Variants in RPGR observed in about 807,000 individuals in gnomAD.
The protein encoded by RPGR is X-linked retinitis pigmentosa GTPase regulator.
RPGR carries 10 observed loss-of-function variants against 56.3 expected under a neutral mutation model. The ratio of observed to expected loss-of-function variants is 0.18; its 90% CI spans 0.11 to 0.30. The LOEUF (loss-of-function observed/expected upper bound fraction) is 0.30. Among genes scored for constraint, RPGR ranks in the 10% least tolerant of loss-of-function variants. The probability of loss-of-function intolerance (pLI) is 1.00; values close to 1 mark genes in which losing one functional copy is unlikely to be tolerated. For missense variants in RPGR, 538 were observed against 590.9 expected, an observed-to-expected ratio of 0.91 and a Z score of 0.93; for synonymous variants, 197 against 212.9, an observed-to-expected ratio of 0.93 and a Z score of 0.65.
intron 6 of RPGR, among the ~76,000 whole-genome samples, chrX:38,315,832 T>TAGAG (rs1439593913): frequency 2.2e-5 from 2 of 89,172 alleles, no homozygotes; most frequent in Non-Finnish European, 4.2e-5. Flanking sequence ...TATATATATA[T>TAGAG]ATATATAGAG....
intron 5 of RPGR, 82 bp downstream of exon 5, chrX:38,318,747 G>T: frequency 9.7e-7 from 1 of 1,027,288 alleles, no homozygotes; most frequent in Non-Finnish European, 1.4e-6. Context: ...AAACAGCAAT[G>T]CTCCCTTCGG....
chrX:38,289,098 A>G (rs1489479843), intron 13 of RPGR, among the ~76,000 whole-genome samples: 1 of 111,565 alleles, frequency 9.0e-6, no homozygotes, highest in African/African-American at 3.3e-5. Flanking sequence ...TCAAATTTTC[A>G]TTTGTCTTTT....
chrX:38,279,307 CTG>C (rs1290662699), intron 15 of RPGR: 10 of 281,501 alleles, frequency 3.6e-5, no homozygotes, highest in Middle Eastern at 8.8e-4. Context: ...CAGTATATGT[CTG>C]TGTCTTGCGT....
chrX:38,302,422 C>T (rs548687495), intron 8 of RPGR, among the ~76,000 whole-genome samples: 2 of 111,138 alleles, frequency 1.8e-5, no homozygotes, highest in Admixed American at 9.6e-5. Context: ...AAACGTGGCT[C>T]GGGCAAGAAG....
At chrX:38,295,571 C>T (rs182668110) in intron 11 of RPGR, among the ~76,000 whole-genome samples, 3 of 112,305 alleles carry the variant, frequency 2.7e-5, no homozygotes, top group African/African-American at 9.7e-5. Flanking sequence ...CCAGAATCTA[C>T]TACTTTTTCC....
intron 6 of RPGR, among the ~76,000 whole-genome samples, chrX:38,312,224 C>T (rs1298822392): frequency 1.8e-5 from 2 of 111,808 alleles, no homozygotes; most frequent in Non-Finnish European, 3.8e-5. Context: ...TTAGCAAACA[C>T]TGGCACAAAA....
At chrX:38,308,954 T>C (rs933538306) in intron 7 of RPGR, among the ~76,000 whole-genome samples, 3 of 112,004 alleles carry the variant, frequency 2.7e-5, no homozygotes, top group African/African-American at 9.7e-5. Flanking sequence ...ATCTTAGAAT[T>C]GGATATTATT....
Position 38,310,536 on chromosome X carries a change from C to T in RPGR, c.778+79G>A, listed in dbSNP as rs777411925. 1.0e-4 allele frequency: 98 copies of T among 983,896 alleles called. No individual in the cohort carries two copies. In the South Asian group the frequency reaches 1.9e-3, roughly 19 times the overall value. The allele number at this position is 983,896 out of a possible 1,213,427, so 81.1% of individuals were successfully genotyped here. A position where few individuals can be genotyped will look rare whatever the true frequency, so the allele number is the denominator to read the frequency against. ...ATTCTTACCACAATAAAAAAATGAACATAAAAAAAATGAACATTAAAAAAA... is the reference window on the plus strand; with the variant it reads ...ATTCTTACCACAATAAAAAAATGAATATAAAAAAAATGAACATTAAAAAAA... On this transcript the variant is annotated intron_variant, in intron 7 of 18. Coordinates refer to ENST00000642395, the MANE Select transcript of RPGR (RefSeq NM_000328.3).
At position 38,322,889 on chromosome X, in the gene RPGR, A is replaced by C; in HGVS notation, c.211T>G (p.Ser71Ala). 1 of 1,210,699 alleles carries C rather than the reference A, an allele frequency of 8.3e-7. No individual in the cohort carries two copies. Among genetic ancestry groups the C allele is most frequent in the Non-Finnish European group, 1.1e-6 (1 of 894,484 alleles). ...GTTGGCTTGCTGATGGCTGACTTTGATCCTAATCCTAACTGACCCCAGTTG... is the reference window on the plus strand; with the variant it reads ...GTTGGCTTGCTGATGGCTGACTTTGCTCCTAATCCTAACTGACCCCAGTTG... Residue 71 changes from serine (S) to alanine (A), a missense_variant, in exon 3 of 19, where the codon TCA becomes GCA. Transcript: ENST00000642395.
chrX:38,325,714 A>T (rs2068036973), intron 1 of RPGR: 1 of 111,827 alleles, frequency 8.9e-6, no homozygotes, highest in African/African-American at 3.3e-5. Context: ...GTCCTAGGAG[A>T]TTGGGAGAGG....
chrX:38,289,556 A>G (rs2067248257), intron 13 of RPGR, among the ~76,000 whole-genome samples: 1 of 112,431 alleles, frequency 8.9e-6, no homozygotes, highest in African/African-American at 3.2e-5. Context: ...ACTAATTCAA[A>G]TTTTATAAAT....
chrX:38,286,696 C>G (rs1384034145), intron 15 of RPGR: 6 of 1,147,365 alleles, frequency 5.2e-6, no homozygotes, highest in African/African-American at 4.0e-5. Flanking sequence ...CTCCTTTTCA[C>G]GTTCTCCCTC....
intron 8 of RPGR, among the ~76,000 whole-genome samples, 146 bp downstream of exon 8, chrX:38,304,482 AACTTTAT>A (rs1050245630): frequency 8.9e-6 from 1 of 112,259 alleles, no homozygotes; most frequent in African/African-American, 3.2e-5. Flanking sequence ...AAAAGTTCAC[AACTTTAT>A]ACTTTGGAAT....
intron 7 of RPGR, among the ~76,000 whole-genome samples, chrX:38,306,339 G>T (rs1238581696): frequency 8.9e-6 from 1 of 112,004 alleles, no homozygotes; most frequent in Non-Finnish European, 1.9e-5. Context: ...AAACATTCAG[G>T]CAGATTTGAA....
At chrX:38,308,887 G>C (rs2067653223) in intron 7 of RPGR, among the ~76,000 whole-genome samples, 1 of 110,993 alleles carries the variant, frequency 9.0e-6, no homozygotes, top group African/African-American at 3.3e-5. Context: ...AGTAACATCA[G>C]AGAAAAAAAC....
intron 7 of RPGR, among the ~76,000 whole-genome samples, chrX:38,307,358 A>G (rs1217214755): frequency 1.8e-5 from 2 of 112,362 alleles, no homozygotes; most frequent in Non-Finnish European, 3.8e-5. Flanking sequence ...TTATTTTCTA[A>G]TCTATCACGG....
chrX:38,320,342 G>T (rs2067913533), intron 4 of RPGR, among the ~76,000 whole-genome samples: 1 of 111,302 alleles, frequency 9.0e-6, no homozygotes, highest in Non-Finnish European at 1.9e-5. Context: ...AGGTCCTGGA[G>T]GTCTAAATGT....
At chrX:38,320,279 G>A (rs2067909304) in intron 4 of RPGR, among the ~76,000 whole-genome samples, 1 of 107,978 alleles carries the variant, frequency 9.3e-6, no homozygotes, top group African/African-American at 3.4e-5. Context: ...GGGGAGGGGC[G>A]GGGCAAGGGG....
At chrX:38,314,563 A>T (rs2067782275) in intron 6 of RPGR, among the ~76,000 whole-genome samples, 1 of 111,707 alleles carries the variant, frequency 9.0e-6, no homozygotes, top group Admixed American at 9.6e-5. Context: ...TAATTCAGTG[A>T]ATCACTGGTT....
Sources: allele counts gnomAD v4.1 joint callset (sites outside exome capture counted in the v4.1 genomes callset), GRCh38; gene constraint gnomAD v4.1.1; transcripts MANE v1.5; gene names NCBI Gene and HGNC (gene_info 2026-07-23, HGNC 2026-07-21).